SPAG16: variants seen among roughly 807,000 people sequenced by gnomAD.
SPAG16 encodes the protein sperm associated antigen 16.
Under a neutral mutation model 80.4 loss-of-function variants are expected in SPAG16, and 86 were observed. That is an observed-to-expected ratio of 1.07 (90% CI 0.90 to 1.28). SPAG16 has a LOEUF of 1.28. SPAG16 is among the 50% of genes most tolerant of loss of function. SPAG16 has a pLI of 0.00. For missense variants in SPAG16, 870 were observed against 765.3 expected (o/e 1.14, Z -1.61); for synonymous variants, 294 against 265.9 (o/e 1.11, Z -1.03).
intron 11 of SPAG16, among the ~76,000 whole-genome samples, chr2:213,895,012 A>C (rs1342439023): frequency 2.0e-5 from 3 of 150,228 alleles, no homozygotes; most frequent in Non-Finnish European, 3.0e-5. Flanking sequence ...AAAAAAAAAA[A>C]AAAAAAACTG....
chr2:214,126,477 A>G (rs2054503104), intron 14 of SPAG16, among the ~76,000 whole-genome samples: 1 of 151,638 alleles, frequency 6.6e-6, no homozygotes. Context: ...CATCAACATG[A>G]ATCTTGGTAT....
intron 11 of SPAG16, among the ~76,000 whole-genome samples, chr2:213,907,674 A>G (rs1035368543): frequency 2.6e-5 from 4 of 152,170 alleles, no homozygotes; most frequent in African/African-American, 9.7e-5. Flanking sequence ...TACACAATGG[A>G]ATACTATTCA....
At chr2:213,684,891 T>A (rs980627469) in intron 10 of SPAG16, among the ~76,000 whole-genome samples, 3 of 152,206 alleles carry the variant, frequency 2.0e-5, no homozygotes, top group African/African-American at 7.2e-5. Flanking sequence ...TGGGTTTAAG[T>A]CATACTACAA....
intron 11 of SPAG16, among the ~76,000 whole-genome samples, chr2:213,863,876 A>G (rs552727059): frequency 6.6e-6 from 1 of 152,182 alleles, no homozygotes; most frequent in African/African-American, 2.4e-5. Flanking sequence ...GAGATACATC[A>G]TTATTCACTC....
chr2:213,792,993 C>T (rs992010011), intron 10 of SPAG16, among the ~76,000 whole-genome samples: 9 of 151,638 alleles, frequency 5.9e-5, no homozygotes, highest in African/African-American at 2.2e-4. Context: ...ATGGCGTGAT[C>T]TCACCTCACT....
At chr2:213,888,537 T>A (rs1033419558) in intron 11 of SPAG16, among the ~76,000 whole-genome samples, 2 of 151,552 alleles carry the variant, frequency 1.3e-5, no homozygotes, top group Non-Finnish European at 3.0e-5. Flanking sequence ...TAAATAAATA[T>A]GTTATATATT....
chr2:214,229,537 T>G (rs1312981366), intron 15 of SPAG16, among the ~76,000 whole-genome samples: 1 of 151,846 alleles, frequency 6.6e-6, no homozygotes, highest in Admixed American at 6.6e-5. Flanking sequence ...TGTATATATG[T>G]ATTTGAAATC....
chr2:213,675,042 A>G lies in SPAG16; in HGVS notation c.1070+184952A>G, dbSNP rs553937497. On this transcript the variant is annotated intron_variant, in intron 10 of 15. Transcript: ENST00000331683. ...CCTATTTCTCCACATCCTCTCCAGCACCTGTTGTTTCCTGACTTTTTAATG... is the reference window on the plus strand; with the variant it reads ...CCTATTTCTCCACATCCTCTCCAGCGCCTGTTGTTTCCTGACTTTTTAATG... 1.5e-4 allele frequency among the ~76,000 whole-genome samples: 23 copies of G among 150,484 alleles called. No homozygotes were observed. The East Asian group carries it at 4.1e-3, about 27-fold the overall frequency.
intron 12 of SPAG16, among the ~76,000 whole-genome samples, chr2:213,993,350 T>C (rs2046370309): frequency 6.6e-6 from 1 of 152,194 alleles, no homozygotes. Flanking sequence ...ATGTACAGGA[T>C]TGAATGTAAT....
At chr2:213,895,623 T>C (rs555400841) in intron 11 of SPAG16, among the ~76,000 whole-genome samples, 1 of 152,294 alleles carries the variant, frequency 6.6e-6, no homozygotes, top group South Asian at 2.1e-4. Flanking sequence ...ATCCAACTCA[T>C]CTTTGGCTAA....
intron 10 of SPAG16, among the ~76,000 whole-genome samples, chr2:213,691,204 A>G (rs978823359): frequency 3.9e-5 from 6 of 152,144 alleles, no homozygotes; most frequent in Admixed American, 1.3e-4. Flanking sequence ...GTCTCTAAAG[A>G]TAACCCTCAA....
intron 10 of SPAG16, among the ~76,000 whole-genome samples, chr2:213,579,265 G>A (rs2060224388): frequency 6.6e-6 from 1 of 152,128 alleles, no homozygotes; most frequent in African/African-American, 2.4e-5. Context: ...CAGGGCTGAT[G>A]TGGAAAATGG....
At chr2:214,337,091 T>C (rs915676638) in intron 15 of SPAG16, among the ~76,000 whole-genome samples, 6 of 151,032 alleles carry the variant, frequency 4.0e-5, no homozygotes, top group Non-Finnish European at 8.9e-5. Flanking sequence ...ATACTGGGAC[T>C]CCATTGGAAC....
At chr2:214,362,767 GATATTAAGCATCTT>G (rs1699261383) in intron 15 of SPAG16, among the ~76,000 whole-genome samples, 1 of 151,836 alleles carries the variant, frequency 6.6e-6, no homozygotes, top group Non-Finnish European at 1.5e-5. Flanking sequence ...CATGGTACTT[GATATTAAGCATCTT>G]ATAATTTTAT....
intron 10 of SPAG16, among the ~76,000 whole-genome samples, chr2:213,502,271 A>C (rs1260026251): frequency 1.3e-5 from 2 of 152,014 alleles, no homozygotes; most frequent in Admixed American, 1.3e-4. Context: ...GACCACTGGC[A>C]TGCACCAGCT....
intron 10 of SPAG16, among the ~76,000 whole-genome samples, chr2:213,842,872 C>T (rs1025088179): frequency 6.6e-6 from 1 of 152,176 alleles, no homozygotes; most frequent in African/African-American, 2.4e-5. Flanking sequence ...ACTCAAACTT[C>T]CTCCTGCCTC....
chr2:214,386,874 G>GA (rs5838432), intron 15 of SPAG16, among the ~76,000 whole-genome samples: 123,122 of 143,484 alleles, frequency 0.86, 52,812 homozygotes, highest in Middle Eastern at 0.9. Context: ...CAAAAAAAGA[G>GA]AAAAAAAAAA....
intron 14 of SPAG16, among the ~76,000 whole-genome samples, chr2:214,144,969 T>C (rs918384619): frequency 6.6e-6 from 1 of 152,088 alleles, no homozygotes; most frequent in African/African-American, 2.4e-5. Flanking sequence ...TGTTACTATA[T>C]AATATTTCTT....
intron 10 of SPAG16, among the ~76,000 whole-genome samples, chr2:213,680,786 G>T (rs542689368): frequency 6.6e-5 from 10 of 152,238 alleles, no homozygotes; most frequent in South Asian, 2.1e-4. Context: ...GTGCAGCTTG[G>T]TTTTATATAT....
Sources: allele counts gnomAD v4.1 joint callset (sites outside exome capture counted in the v4.1 genomes callset), GRCh38; gene constraint gnomAD v4.1.1; transcripts MANE v1.5; gene names NCBI Gene and HGNC (gene_info 2026-07-23, HGNC 2026-07-21).